Variants in MEGF10 observed in about 807,000 individuals in gnomAD.
MEGF10 encodes multiple EGF like domains 10.
In MEGF10, 86 loss-of-function variants were observed where a neutral mutation model predicts 147.5. That is an observed-to-expected ratio of 0.58 (90% CI 0.49 to 0.70). MEGF10 has a LOEUF of 0.70. Among genes scored for constraint, MEGF10 ranks in the 30% least tolerant of loss-of-function variants. MEGF10 has a pLI of 0.00. For synonymous variants in MEGF10, 478 were observed against 525.5 expected (o/e 0.91, Z 1.24); for missense variants, 1,329 against 1,487.3 (o/e 0.89, Z 1.75).
At chr5:127,283,133 T>C in the MEGF10 span, among the ~76,000 whole-genome samples, 1 of 152,352 alleles carries the variant, frequency 6.6e-6, no homozygotes, top group South Asian at 2.1e-4. Flanking sequence ...CCCTGACTGA[T>C]ACAGTATGCA....
chr5:127,327,814 A>G (rs1761099108), intron 1 of MEGF10, among the ~76,000 whole-genome samples: 1 of 151,118 alleles, frequency 6.6e-6, no homozygotes, highest in Non-Finnish European at 1.5e-5. Context: ...TCCCAGGTTC[A>G]AGCAATTCTT....
chr5:127,265,977 A>G, the MEGF10 span, among the ~76,000 whole-genome samples: 1 of 152,152 alleles, frequency 6.6e-6, no homozygotes, highest in Non-Finnish European at 1.5e-5. Context: ...TTGGTGTTTT[A>G]GACATGAAGT....
chr5:127,428,890 A>G (rs571783549), intron 13 of MEGF10, among the ~76,000 whole-genome samples: 1 of 152,262 alleles, frequency 6.6e-6, no homozygotes, highest in African/African-American at 2.4e-5. Context: ...GGCCGCTGGC[A>G]TAATGCATCA....
At chr5:127,390,981 C>T (rs988839897) in intron 5 of MEGF10, among the ~76,000 whole-genome samples, 1 of 151,998 alleles carries the variant, frequency 6.6e-6, no homozygotes, top group Non-Finnish European at 1.5e-5. Flanking sequence ...TATCACGATG[C>T]TTGGAACAGT....
chr5:127,316,209 C>T (rs1283023439), intron 1 of MEGF10, among the ~76,000 whole-genome samples: 1 of 152,210 alleles, frequency 6.6e-6, no homozygotes, highest in Non-Finnish European at 1.5e-5. Flanking sequence ...CCCAGCCCCT[C>T]CTGGATGCTC....
intron 2 of MEGF10, among the ~76,000 whole-genome samples, chr5:127,337,036 T>C (rs989589454): frequency 6.6e-6 from 1 of 152,032 alleles, no homozygotes; most frequent in African/African-American, 2.4e-5. Context: ...GAAAATATGA[T>C]TAAGTATTGA....
At chr5:127,302,186 A>G (rs893647086) in intron 1 of MEGF10, among the ~76,000 whole-genome samples, 2 of 152,376 alleles carry the variant, frequency 1.3e-5, no homozygotes, top group Admixed American at 6.5e-5. Flanking sequence ...TATTTACAAC[A>G]GCCAAAACTA....
rs561345146 is a variant in MEGF10, at chr5:127,365,419, A to C, written c.320-4491A>C. 3.9e-5 allele frequency among the ~76,000 whole-genome samples: 6 copies of C among 152,358 alleles called. No homozygotes were observed. In the East Asian group the frequency reaches 1.2e-3, roughly 29 times the overall value. On this transcript the variant is annotated intron_variant, in intron 4 of 24. Coordinates refer to ENST00000503335, the MANE Select transcript of MEGF10 (RefSeq NM_001256545.2). ...TTAATGGCTCTCAGTATTAAAGCCA[A>C]GTATTTACAAGTAAAAGGAATGAGG...
intron 24 of MEGF10, among the ~76,000 whole-genome samples, chr5:127,456,552 A>G (rs11750401): frequency 0.032 from 4,864 of 152,300 alleles, 82 homozygotes; most frequent in Middle Eastern, 0.048. Flanking sequence ...TGCCAGATAC[A>G]TCCCTGGGAA....
chr5:127,337,124 G>A (rs1005013266), intron 2 of MEGF10, among the ~76,000 whole-genome samples: 3 of 152,112 alleles, frequency 2.0e-5, no homozygotes, highest in Non-Finnish European at 1.5e-5. Flanking sequence ...TTCCCAAGTG[G>A]GGAAGTTAAA....
intron 5 of MEGF10, among the ~76,000 whole-genome samples, chr5:127,380,981 A>G (rs2042941): frequency 0.059 from 9,017 of 152,242 alleles, 562 homozygotes; most frequent in African/African-American, 0.16. Flanking sequence ...AAAAATTATA[A>G]TGTAAACATC....
Position 127,296,151 on chromosome 5 carries a change from A to G in MEGF10, c.-19+5095A>G, listed in dbSNP as rs542072932. 2.0e-5 allele frequency among the ~76,000 whole-genome samples: 3 copies of G among 152,328 alleles called. No homozygotes were observed. In the South Asian group the frequency reaches 6.2e-4, roughly 32 times the overall value. ...AGCATTTAGTAAAAGGATTTCTCAT[A>G]CTATGAGGGAAAAAGAAGGTACAAA... On this transcript the variant is annotated intron_variant, in intron 1 of 24. Coordinates refer to ENST00000503335, the MANE Select transcript of MEGF10 (RefSeq NM_001256545.2).
intron 9 of MEGF10, among the ~76,000 whole-genome samples, chr5:127,414,203 C>A (rs1256981626): frequency 6.6e-6 from 1 of 152,172 alleles, no homozygotes; most frequent in Non-Finnish European, 1.5e-5. Context: ...AATTGTCCTT[C>A]ATGTCTGGTC....
chr5:127,333,999 ATCT>A (rs771484094), intron 2 of MEGF10, among the ~76,000 whole-genome samples: 4 of 152,170 alleles, frequency 2.6e-5, no homozygotes, highest in Non-Finnish European at 5.9e-5. Flanking sequence ...GACAGCTATA[ATCT>A]TCTTACTGAT....
At chr5:127,434,110 C>T (rs1490344458) in intron 14 of MEGF10, among the ~76,000 whole-genome samples, 2 of 152,106 alleles carry the variant, frequency 1.3e-5, no homozygotes, top group East Asian at 3.8e-4. Flanking sequence ...TTGCCTTTCC[C>T]CCCATAAGAA....
the MEGF10 span, among the ~76,000 whole-genome samples, chr5:127,235,533 G>C: frequency 6.6e-6 from 1 of 152,224 alleles, no homozygotes; most frequent in East Asian, 1.9e-4. Context: ...ATGAATAGCT[G>C]TCTGTTAGAT....
intron 9 of MEGF10, among the ~76,000 whole-genome samples, chr5:127,411,676 C>T (rs114769586): frequency 1.4e-3 from 209 of 152,230 alleles, no homozygotes; most frequent in African/African-American, 4.8e-3. Context: ...CTTTGGTTTT[C>T]TTCGTTGGAA....
intron 1 of MEGF10, among the ~76,000 whole-genome samples, chr5:127,303,052 T>C (rs1009766771): frequency 6.6e-6 from 1 of 151,094 alleles, no homozygotes; most frequent in Non-Finnish European, 1.5e-5. Context: ...AGAGATAAGG[T>C]TGGGGTCAGT....
In MEGF10 at chr5:127,310,010, CTTTCTTTTTTTCT is replaced by C. The variant is rs1262229268; in HGVS notation, c.-19+18957_-19+18969del. On this transcript the variant is annotated intron_variant, in intron 1 of 24. Coordinates refer to ENST00000503335, the MANE Select transcript of MEGF10 (RefSeq NM_001256545.2). ...CTTTCTTTCTTTCCTTCCTTCCTTCCTTTCTTTTTTTCTTTCTTTCTTTCCTTCTTTCTTTATT... is the reference window on the plus strand; with the variant it reads ...CTTTCTTTCTTTCCTTCCTTCCTTCCTTCTTTCTTTCCTTCTTTCTTTATT... Among the ~76,000 whole-genome samples the C allele has an allele frequency of 2.0e-3, 87 of 43,790 alleles. 3 individuals carry two copies. The highest frequency in any genetic ancestry group is 4.4e-3 in the African/African-American group (51 of 11,604). 28.7% of individuals were successfully genotyped at this position (43,790 alleles called of 152,430 possible).
Sources: gnomAD v4.1 joint callset for allele counts (sites outside exome capture counted in the v4.1 genomes callset) on GRCh38, gnomAD v4.1.1 for gene constraint, MANE v1.5 for transcripts, NCBI Gene and HGNC (gene_info 2026-07-23, HGNC 2026-07-21) for gene names.